NEDD4L: variants seen among roughly 807,000 people sequenced by gnomAD.
NEDD4L encodes the protein E3 ubiquitin-protein ligase NEDD4-like.
Under a neutral mutation model 148.9 loss-of-function variants are expected in NEDD4L, and 54 were observed. That is an observed-to-expected ratio of 0.36 (90% confidence interval 0.29 to 0.45). The LOEUF is 0.45. NEDD4L is among the 20% of genes least tolerant of loss of function. The pLI is 1.00. For missense variants in NEDD4L, 856 were observed against 1,233.8 expected (o/e 0.69, Z 4.59); for synonymous variants, 433 against 440.7 (o/e 0.98, Z 0.22).
chr18:58,058,734 G>A (rs2082196255), intron 1 of NEDD4L, among the ~76,000 whole-genome samples: 1 of 152,172 alleles, frequency 6.6e-6, no homozygotes, highest in Non-Finnish European at 1.5e-5. Flanking sequence ...GAGCTCAGAG[G>A]TCACTGTTCA....
rs551521359 is a variant in NEDD4L, at chr18:58,323,398, C to G, written c.513+64C>G. On this transcript the variant is annotated intron_variant, in intron 8 of 30. Coordinates refer to ENST00000400345, the MANE Select transcript of NEDD4L (RefSeq NM_001144967.3). ...ATCATATTCATGTTTTGCTTTCAAACTTTATAATTGAAGGAAATAAAAGTT... is the reference window on the plus strand; with the variant it reads ...ATCATATTCATGTTTTGCTTTCAAAGTTTATAATTGAAGGAAATAAAAGTT... The G allele has an allele frequency of 2.8e-4, 245 of 868,356 alleles. 1 individual carries two copies. The South Asian group carries it at 3.6e-3, about 13-fold the overall frequency. The allele number at this position is 868,356 out of a possible 1,614,324, so 53.8% of individuals were successfully genotyped here.
intron 5 of NEDD4L, among the ~76,000 whole-genome samples, chr18:58,260,591 G>A (rs779875338): frequency 8.5e-5 from 13 of 152,172 alleles, no homozygotes; most frequent in Non-Finnish European, 1.2e-4. Flanking sequence ...ATGTGATACC[G>A]TTGTTAGGTG....
chr18:58,096,567 C>CA (rs2084426225), intron 1 of NEDD4L, among the ~76,000 whole-genome samples: 1 of 152,026 alleles, frequency 6.6e-6, no homozygotes, highest in Admixed American at 6.6e-5. Context: ...CAATGCCTGG[C>CA]TAATTTTTGT....
At chr18:58,346,116 AGG>A (rs1301909550) in intron 16 of NEDD4L, among the ~76,000 whole-genome samples, 25 of 152,176 alleles carry the variant, frequency 1.6e-4, no homozygotes, top group Non-Finnish European at 3.2e-4. Context: ...CGCCTGGGTC[AGG>A]CCTTTCAGGG....
intron 1 of NEDD4L, among the ~76,000 whole-genome samples, chr18:58,156,209 C>T (rs1380299834): frequency 6.6e-6 from 1 of 152,202 alleles, no homozygotes; most frequent in African/African-American, 2.4e-5. Flanking sequence ...TGGTGTTCTT[C>T]CTAAAAGGAA....
intron 19 of NEDD4L, among the ~76,000 whole-genome samples, chr18:58,363,643 GT>G (rs2045769494): frequency 6.6e-6 from 1 of 152,108 alleles, no homozygotes; most frequent in African/African-American, 2.4e-5. Context: ...CTCAACTGGG[GT>G]ACTATCACTC....
intron 2 of NEDD4L, among the ~76,000 whole-genome samples, chr18:58,168,458 A>G (rs1236765293): frequency 6.6e-6 from 1 of 152,248 alleles, no homozygotes; most frequent in Non-Finnish European, 1.5e-5. Flanking sequence ...TACAACAAGG[A>G]TAACAGTTTC....
intron 1 of NEDD4L, among the ~76,000 whole-genome samples, chr18:58,150,550 T>A (rs1410614049): frequency 6.6e-6 from 1 of 152,202 alleles, no homozygotes; most frequent in Non-Finnish European, 1.5e-5. Flanking sequence ...TTTAAACTTC[T>A]GGTTTGAAAC....
chr18:58,321,690 C>A (rs1051985514), intron 6 of NEDD4L, among the ~76,000 whole-genome samples: 1 of 152,178 alleles, frequency 6.6e-6, no homozygotes, highest in African/African-American at 2.4e-5. Flanking sequence ...TTATCTCTTG[C>A]TATAAAAGTA....
At chr18:58,388,168 T>A (rs1300408553) in intron 27 of NEDD4L, 4 of 152,278 alleles carry the variant, frequency 2.6e-5, no homozygotes, top group Non-Finnish European at 5.9e-5. Flanking sequence ...TCTCGCCCTT[T>A]GTTGTGTCGA....
intron 1 of NEDD4L, among the ~76,000 whole-genome samples, chr18:58,051,519 C>T (rs61352370): frequency 0.094 from 14,236 of 152,086 alleles, 966 homozygotes; most frequent in African/African-American, 0.2. Flanking sequence ...TTTGCTTGTG[C>T]GGTGTTTAAA....
intron 30 of NEDD4L, among the ~76,000 whole-genome samples, chr18:58,392,352 G>A (rs2049947535): frequency 6.6e-6 from 1 of 152,176 alleles, no homozygotes; most frequent in African/African-American, 2.4e-5. Context: ...ATGCAGCGGG[G>A]GCTGCAAAGC....
chr18:58,240,988 T>A (rs1035156142), intron 2 of NEDD4L, among the ~76,000 whole-genome samples: 2 of 152,094 alleles, frequency 1.3e-5, no homozygotes, highest in African/African-American at 4.8e-5. Flanking sequence ...TTTTGTATTT[T>A]TAGTAGAGAC....
chr18:58,061,544 T>C (rs1255688143), intron 1 of NEDD4L, among the ~76,000 whole-genome samples: 2 of 152,092 alleles, frequency 1.3e-5, no homozygotes, highest in Non-Finnish European at 2.9e-5. Flanking sequence ...GGAAGGTGGT[T>C]ATTTATAGTC....
At chr18:58,141,624 A>G (rs1459942558) in intron 1 of NEDD4L, among the ~76,000 whole-genome samples, 1 of 152,152 alleles carries the variant, frequency 6.6e-6, no homozygotes, top group African/African-American at 2.4e-5. Flanking sequence ...TTCATCATTC[A>G]TATGAAGAAG....
chr18:58,399,847 A>G lies in NEDD4L; in HGVS notation c.*3578A>G, dbSNP rs904313865. The stretch of plus-strand genomic sequence containing the variant: ...ATTTGAACCATTTTCTACATCTCCC[A>G]TTGTTGCATAGAGAGTGTGCACCGC... On this transcript the variant is annotated 3_prime_UTR_variant, in exon 31 of 31. Transcript: ENST00000400345. The G allele has an allele frequency of 2.6e-5, 4 of 152,132 alleles. No individual in the cohort carries two copies. Among genetic ancestry groups the G allele is most frequent in the African/African-American group, 9.7e-5 (4 of 41,436 alleles). The allele number at this position is 152,132 out of a possible 1,614,324, so 9.4% of individuals were successfully genotyped here.
At chr18:58,108,655 A>T (rs1027662007) in intron 1 of NEDD4L, among the ~76,000 whole-genome samples, 1 of 152,190 alleles carries the variant, frequency 6.6e-6, no homozygotes, top group East Asian at 1.9e-4. Context: ...TCCTGAGCTC[A>T]GGTGATCCAC....
intron 2 of NEDD4L, among the ~76,000 whole-genome samples, chr18:58,217,518 C>T (rs1339148874): frequency 6.6e-6 from 1 of 152,172 alleles, no homozygotes; most frequent in Non-Finnish European, 1.5e-5. Flanking sequence ...CTGTCACCCA[C>T]GAGTGTGGTG....
rs1236326934 is a variant in NEDD4L at position 58,388,757 on chromosome 18, C to T, written c.2548-328C>T. 2.4e-5 allele frequency: 7 copies of T among 292,640 alleles called. No homozygotes were observed. In the East Asian group the frequency reaches 4.6e-4, roughly 19 times the overall value. 18.1% of individuals were successfully genotyped at this position (292,640 alleles called of 1,614,324 possible). ...GAGGAGAAGCAGCCAGGGTAATGCA[C>T]AGATGCTGCTGGAGCGTGAGAGAAT... On this transcript the variant is annotated intron_variant, in intron 27 of 30. Transcript: ENST00000400345.
Sources: allele counts gnomAD v4.1 joint callset (sites outside exome capture counted in the v4.1 genomes callset), GRCh38; gene constraint gnomAD v4.1.1; transcripts MANE v1.5; gene names NCBI Gene and HGNC (gene_info 2026-07-23, HGNC 2026-07-21).